Variants in TRMT9B observed in about 807,000 individuals in gnomAD.
TRMT9B encodes probable tRNA methyltransferase 9B.
Under a neutral mutation model 11.5 loss-of-function variants are expected in TRMT9B, and 16 were observed. The observed-to-expected ratio is 1.39, with a 90% CI of 0.94 to 2.11. The LOEUF (loss-of-function observed/expected upper bound fraction) is 2.11, where lower values mean the gene tolerates loss of function less well. Ranked by LOEUF, TRMT9B falls within the 30% of genes most tolerant of loss-of-function variation. TRMT9B has a pLI of 0.00. For synonymous variants in TRMT9B, 274 were observed against 192.4 expected (o/e 1.42, Z -3.51); for missense variants, 941 against 553.8 (o/e 1.70, Z -7.02).
intron 1 of TRMT9B, among the ~76,000 whole-genome samples, chr8:12,964,090 CAG>C (rs1247338199): frequency 2.0e-5 from 3 of 152,176 alleles, no homozygotes; most frequent in Non-Finnish European, 2.9e-5. Context: ...TGCCCTAAAA[CAG>C]AGGTTTTATG....
At chr8:13,011,389 G>A in intron 3 of TRMT9B, 2 of 985,314 alleles carry the variant, frequency 2.0e-6, no homozygotes, top group Non-Finnish European at 2.4e-6. Flanking sequence ...GCCTAGTAAG[G>A]AGGGGTTATT....
intron 3 of TRMT9B, chr8:13,012,330 A>T: frequency 1.0e-6 from 1 of 963,742 alleles, no homozygotes. Context: ...TAATCCCAGC[A>T]CTTTGGGAGG....
In TRMT9B at chr8:13,024,974, C is replaced by T. The variant is rs1211590681; in HGVS notation, c.*2930C>T. On this transcript the variant is annotated 3_prime_UTR_variant, in exon 5 of 5. Transcript: ENST00000524591. ...TTGATCATTTAAAAAGCTTGCTTGT[C>T]CTCGAAAGGAAACACAGGTCATCAG... The T allele has an allele frequency of 1.2e-5, 2 of 166,932 alleles. No individual in the cohort carries two copies. Among genetic ancestry groups the T allele is most frequent in the Non-Finnish European group, 2.9e-5 (2 of 68,094 alleles). The allele number at this position is 166,932 out of a possible 1,614,324, so 10.3% of individuals were successfully genotyped here.
At position 12,945,834 on chromosome 8, in the gene TRMT9B, T is replaced by C. The variant is rs558932348; in HGVS notation, c.-332T>C. Reference sequence around the variant, plus strand: ...TTCTTGATGCATATGTTCCTTCAACTTATTCAGTACTTCCATGTGCAGGGC... The same window carrying C: ...TTCTTGATGCATATGTTCCTTCAACCTATTCAGTACTTCCATGTGCAGGGC... On this transcript the variant is annotated 5_prime_UTR_variant, in exon 1 of 5. Transcript: ENST00000524591. 1 of 152,352 alleles carries C rather than the reference T, an allele frequency of 6.6e-6. No homozygotes were observed. The highest frequency in any genetic ancestry group is 2.4e-5 in the African/African-American group (1 of 41,590). 9.4% of individuals were successfully genotyped at this position (152,352 alleles called of 1,614,324 possible). A position where few individuals can be genotyped will look rare whatever the true frequency, so the allele number is the denominator to read the frequency against.
intron 2 of TRMT9B, among the ~76,000 whole-genome samples, chr8:12,998,044 A>G (rs1808696865): frequency 6.6e-6 from 1 of 152,160 alleles, no homozygotes; most frequent in Non-Finnish European, 1.5e-5. Context: ...TCTCCTGACC[A>G]TTATGAAGTG....
At chr8:13,014,695 T>A (rs1812294133) in intron 4 of TRMT9B, among the ~76,000 whole-genome samples, 1 of 152,174 alleles carries the variant, frequency 6.6e-6, no homozygotes, top group East Asian at 1.9e-4. Context: ...TAAGCAACAC[T>A]ATACAATGCT....
Position 13,027,185 on chromosome 8 carries a change from C to T in TRMT9B, c.*5141C>T, listed in dbSNP as rs1481028187. On this transcript the variant is annotated 3_prime_UTR_variant, in exon 5 of 5. Transcript: ENST00000524591. The stretch of plus-strand genomic sequence containing the variant: ...TACACAGTCTGCTGTGTGCTGGATA[C>T]ATATGATACAAGGTAATGACTATCT... The T allele has an allele frequency of 6.0e-6, 1 of 167,078 alleles. No homozygotes were observed. The highest frequency in any genetic ancestry group is 1.5e-5 in the Non-Finnish European group (1 of 68,128). 10.3% of individuals were successfully genotyped at this position (167,078 alleles called of 1,614,324 possible).
chr8:12,959,039 C>T lies in TRMT9B; in HGVS notation c.-200+13073C>T, dbSNP rs182079875. 3.9e-5 allele frequency among the ~76,000 whole-genome samples: 6 copies of T among 152,134 alleles called. No homozygotes were observed. The East Asian group carries it at 1.2e-3, about 29-fold the overall frequency. The stretch of plus-strand genomic sequence containing the variant: ...GCAAACCAACATGGCACATGTATAC[C>T]TATGTAACAAACCTGCATGTTGTGC... On this transcript the variant is annotated intron_variant, in intron 1 of 4. Transcript: ENST00000524591.
At chr8:12,961,519 G>A (rs1410440180) in intron 1 of TRMT9B, among the ~76,000 whole-genome samples, 5 of 151,454 alleles carry the variant, frequency 3.3e-5, no homozygotes, top group Admixed American at 2.6e-4. Context: ...GGTTAACACG[G>A]TGAAACCCCG....
intron 1 of TRMT9B, among the ~76,000 whole-genome samples, chr8:12,967,518 C>G (rs1802985868): frequency 6.6e-6 from 1 of 152,204 alleles, no homozygotes; most frequent in Non-Finnish European, 1.5e-5. Flanking sequence ...ATGACATTCT[C>G]CAGTTACCAT....
intron 1 of TRMT9B, among the ~76,000 whole-genome samples, chr8:12,956,885 C>G (rs555657132): frequency 6.6e-6 from 1 of 152,144 alleles, no homozygotes; most frequent in African/African-American, 2.4e-5. Context: ...TGGATCTCTT[C>G]TATTTTTAAG....
chr8:12,987,385 T>C (rs1209182607), intron 1 of TRMT9B, among the ~76,000 whole-genome samples: 1 of 152,082 alleles, frequency 6.6e-6, no homozygotes, highest in Admixed American at 6.6e-5. Context: ...AAGTTGAAAA[T>C]ATTATAAGTC....
intron 1 of TRMT9B, among the ~76,000 whole-genome samples, chr8:12,978,776 G>A (rs1429859845): frequency 6.6e-6 from 1 of 152,180 alleles, no homozygotes; most frequent in Non-Finnish European, 1.5e-5. Context: ...TGACAGATGA[G>A]CAAGCTCCTA....
chr8:13,020,903 A>T (rs1813702804), intron 4 of TRMT9B, 105 bp from the exon 5 acceptor site: 1 of 703,414 alleles, frequency 1.4e-6, no homozygotes, highest in Non-Finnish European at 2.2e-6. Context: ...AGAAGGTTTC[A>T]TTAGATGTCA....
chr8:12,973,491 G>C (rs906943723), intron 1 of TRMT9B, among the ~76,000 whole-genome samples: 2 of 152,214 alleles, frequency 1.3e-5, no homozygotes, highest in Non-Finnish European at 2.9e-5. Flanking sequence ...TGGCAGCAGA[G>C]AGTGGGTATT....
rs1585472016 is a variant in TRMT9B, at chr8:13,027,823, A to G, written c.*5779A>G. 1 of 167,052 alleles carries G rather than the reference A, an allele frequency of 6.0e-6. No individual in the cohort carries two copies. Among genetic ancestry groups the G allele is most frequent in the East Asian group, 1.9e-4 (1 of 5,180 alleles). The allele number at this position is 167,052 out of a possible 1,614,324, so 10.3% of individuals were successfully genotyped here. On this transcript the variant is annotated 3_prime_UTR_variant, in exon 5 of 5. Coordinates refer to ENST00000524591, the MANE Select transcript of TRMT9B (RefSeq NM_020844.3). Reference sequence around the variant, plus strand: ...GGAGGGAATCAAGAAGCATTAACAGACCCTCCACCAACCGTAATGCTTAAC... The same window carrying G: ...GGAGGGAATCAAGAAGCATTAACAGGCCCTCCACCAACCGTAATGCTTAAC...
chr8:13,018,972 A>G (rs1813317856), intron 4 of TRMT9B, among the ~76,000 whole-genome samples: 1 of 152,188 alleles, frequency 6.6e-6, no homozygotes, highest in South Asian at 2.1e-4. Context: ...ACAGTATTAG[A>G]GTTGAAATAA....
chr8:13,006,600 A>G (rs1252316161), intron 3 of TRMT9B: 23 of 1,399,334 alleles, frequency 1.6e-5, no homozygotes, highest in Middle Eastern at 5.3e-4. Context: ...TACCTAGAAT[A>G]TTCATTTTAC....
chr8:13,015,756 C>G (rs1369866080), intron 4 of TRMT9B, among the ~76,000 whole-genome samples: 1 of 152,142 alleles, frequency 6.6e-6, no homozygotes, highest in East Asian at 1.9e-4. Context: ...TTGGGAAACA[C>G]TCCATGCTTA....
Sources: gnomAD v4.1 joint callset for allele counts (sites outside exome capture counted in the v4.1 genomes callset) on GRCh38, gnomAD v4.1.1 for gene constraint, MANE v1.5 for transcripts, NCBI Gene and HGNC (gene_info 2026-07-23, HGNC 2026-07-21) for gene names.